Variants in RCC1 observed in about 807,000 individuals in gnomAD.
The protein encoded by RCC1 is regulator of chromosome condensation.
Under a neutral mutation model 44.4 loss-of-function variants are expected in RCC1, and 11 were observed. That is an observed-to-expected ratio of 0.25 (90% CI 0.16 to 0.41). RCC1 has a LOEUF of 0.41. Ranked by LOEUF, RCC1 falls within the 10% of genes least tolerant of loss-of-function variation. RCC1 has a pLI of 1.00. For synonymous variants in RCC1, 213 were observed against 216.5 expected (o/e 0.98, Z 0.14); for missense variants, 386 against 547.1 (o/e 0.71, Z 2.94).
At chr1:28,512,543 GGTTA>G (rs1174609530) in intron 3 of RCC1, among the ~76,000 whole-genome samples, 1 of 151,808 alleles carries the variant, frequency 6.6e-6, no homozygotes, top group South Asian at 2.1e-4. Context: ...CTTATTTTGG[GGTTA>G]GTTTGCTCAT....
Position 28,537,814 on chromosome 1 carries a change from C to T in RCC1, c.1091-18C>T, listed in dbSNP as rs759889616. ...TGGGGATCCTGGAGACAGCTGTACC[C>T]ATTTCTCTCTCTTGCAGGTCGTGTT... is the stretch of plus-strand genomic sequence containing the variant. On this transcript the variant is annotated intron_variant, in intron 12 of 12. Coordinates refer to ENST00000683442, the MANE Select transcript of RCC1 (RefSeq NM_001381865.2). The T allele has an allele frequency of 1.9e-6, 3 of 1,606,036 alleles. No homozygotes were observed. Among genetic ancestry groups the T allele is most frequent in the Admixed American group, 1.7e-5 (1 of 58,826 alleles).
chr1:28,538,262 G>T lies in RCC1; in HGVS notation c.*255G>T. 3.1e-6 allele frequency: 1 copy of T among 319,250 alleles called. No homozygotes were observed. 19.8% of individuals were successfully genotyped at this position (319,250 alleles called of 1,614,324 possible). A position where few individuals can be genotyped will look rare whatever the true frequency, so the allele number is the denominator to read the frequency against. On this transcript the variant is annotated 3_prime_UTR_variant, in exon 13 of 13. Coordinates refer to ENST00000683442, the MANE Select transcript of RCC1 (RefSeq NM_001381865.2). ...GAACATGGCTCACTCAGAGCTATAT[G>T]GTTAGACGTTTCTCCCCTTTTCCCT...
At chr1:28,533,845 C>CT (rs1168443435) in intron 7 of RCC1, among the ~76,000 whole-genome samples, 2 of 46,868 alleles carry the variant, frequency 4.3e-5, no homozygotes, top group Non-Finnish European at 7.4e-5. Context: ...CTTTTCTTTT[C>CT]TTTTTTTTTT....
chr1:28,510,672 G>T (rs1464682051), intron 3 of RCC1: 1 of 152,230 alleles, frequency 6.6e-6, no homozygotes, highest in Non-Finnish European at 1.5e-5. Flanking sequence ...TAAGCACTAA[G>T]TGGGCTTTAA....
At chr1:28,537,778 G>A in intron 12 of RCC1, 54 bp from the exon 13 acceptor site, 2 of 1,544,080 alleles carry the variant, frequency 1.3e-6, no homozygotes, top group Non-Finnish European at 1.7e-6. Context: ...TCCTGCTACA[G>A]AAAGGTGGGC....
chr1:28,535,176 G>A, intron 8 of RCC1, 30 bp downstream of exon 8: 1 of 1,614,080 alleles, frequency 6.2e-7, no homozygotes, highest in Non-Finnish European at 8.5e-7. Context: ...CTCAGGGCAG[G>A]AGTTGGAGGA....
rs747631728 is a variant in RCC1 at position 28,530,665 on chromosome 1, G to T, written c.73+726G>T. ...CTGTGCTGCCAGCGCGGGCTCCTCA[G>T]CGGTGGCCACATCCTCGGGGGAGGG... On this transcript the variant is annotated intron_variant, in intron 5 of 12. Coordinates refer to ENST00000683442, the MANE Select transcript of RCC1 (RefSeq NM_001381865.2). 1.2e-5 allele frequency: 17 copies of T among 1,477,958 alleles called. 1 individual carries two copies. In the South Asian group the frequency reaches 1.2e-4, roughly 10 times the overall value. 91.6% of individuals were successfully genotyped at this position (1,477,958 alleles called of 1,614,324 possible). A position where few individuals can be genotyped will look rare whatever the true frequency, so the allele number is the denominator to read the frequency against.
chr1:28,530,724 T>TG (rs34334294), intron 5 of RCC1: 9 of 826,900 alleles, frequency 1.1e-5, no homozygotes, highest in Non-Finnish European at 1.6e-5. Flanking sequence ...GGCTGCGGGT[T>TG]GGGGGGCCGC....
At position 28,536,398 on chromosome 1, in the gene RCC1, C is replaced by A; in HGVS notation, c.937+17C>A. ...ATTCGGAAGGTAGGGCCTTTACGTC[C>A]TTCTCTAGTTTGGGGGTGGAGTGTT... On this transcript the variant is annotated intron_variant, in intron 11 of 12. Coordinates refer to ENST00000683442, the MANE Select transcript of RCC1 (RefSeq NM_001381865.2). This position sits in a 1 kb window ranked among gnomAD's most constrained non-coding sequence, Gnocchi z 4.9. The A allele has an allele frequency of 6.2e-7, 1 of 1,610,546 alleles. No homozygotes were observed. Among genetic ancestry groups the A allele is most frequent in the South Asian group, 1.1e-5 (1 of 90,728 alleles).
At chr1:28,516,252 G>A (rs886980200) in intron 3 of RCC1, among the ~76,000 whole-genome samples, 2 of 152,094 alleles carry the variant, frequency 1.3e-5, no homozygotes, top group African/African-American at 2.4e-5. Context: ...GGAGGCTCAC[G>A]CCTGTAAGCC....
Position 28,511,290 on chromosome 1 carries a change from GAA to G in RCC1, c.-153+2388_-153+2389del, listed in dbSNP as rs760313734. ...TAAGGACAAAGGAGTTGGTATTTGT[GAA>G]AAGATTCTTAGGGTCTCTAGATGGA... On this transcript the variant is annotated intron_variant, in intron 3 of 12. Transcript: ENST00000683442. 3.9e-5 allele frequency among the ~76,000 whole-genome samples: 6 copies of G among 152,206 alleles called. No individual in the cohort carries two copies. The East Asian group carries it at 9.6e-4, about 24-fold the overall frequency.
chr1:28,534,669 C>T (rs375838681), intron 7 of RCC1, among the ~76,000 whole-genome samples: 1 of 152,202 alleles, frequency 6.6e-6, no homozygotes, highest in South Asian at 2.1e-4. Context: ...TTTGTAGGGA[C>T]GGGGTTTCAC....
intron 1 of RCC1, chr1:28,507,412 A>C (rs1367645526): frequency 5.8e-6 from 3 of 518,962 alleles, no homozygotes; most frequent in African/African-American, 5.8e-5. Flanking sequence ...GCTCTGTCCA[A>C]GTGGCGTAGG....
chr1:28,518,591 C>T (rs1663056707), intron 4 of RCC1: 1 of 150,102 alleles, frequency 6.7e-6, no homozygotes, highest in Admixed American at 6.6e-5. Context: ...CACCGCGGCG[C>T]CCGCGCAGGC....
At chr1:28,522,726 G>T (rs1016436288) in intron 4 of RCC1, among the ~76,000 whole-genome samples, 13 of 151,828 alleles carry the variant, frequency 8.6e-5, no homozygotes, top group African/African-American at 3.1e-4. Context: ...GAGGCAGGAG[G>T]GTCGCTTGAG....
rs1473715530 is a variant in RCC1, at chr1:28,535,389, C to G, written c.661+9C>G. 4 of 1,613,656 alleles carry G rather than the reference C, an allele frequency of 2.5e-6. No homozygotes were observed. Among genetic ancestry groups the G allele is most frequent in the Non-Finnish European group, 8.5e-7 (1 of 1,179,842 alleles). ...TGGCCGGCAAGGCCTCGGTAAGTGG[C>G]CTTGGTACCTCCAGCAGGGCAAATT... is the stretch of plus-strand genomic sequence containing the variant. On this transcript the variant is annotated intron_variant, in intron 9 of 12. Coordinates refer to ENST00000683442, the MANE Select transcript of RCC1 (RefSeq NM_001381865.2).
intron 7 of RCC1, 71 bp downstream of exon 7, chr1:28,532,421 C>A (rs989312887): frequency 6.6e-7 from 1 of 1,513,694 alleles, no homozygotes; most frequent in Non-Finnish European, 9.1e-7. Context: ...CAAAGATAAT[C>A]CACTTCCATG....
In RCC1 at chr1:28,533,845, C is replaced by CTTTTTTTTTTTTTTTTTTTTTTTTTTT. The variant is rs1168443435; in HGVS notation, c.442-1181_442-1155dup. ...ATATTTTTTTCTTTTCTTTTCTTTT[C>CTTTTTTTTTTTTTTTTTTTTTTTTTTT]TTTTTTTTTTTTTTTTTTTTTTTTT... On this transcript the variant is annotated intron_variant, in intron 7 of 12. Transcript: ENST00000683442. 1.3e-4 allele frequency among the ~76,000 whole-genome samples: 6 copies of CTTTTTTTTTTTTTTTTTTTTTTTTTTT among 46,876 alleles called. 3 individuals carry two copies. Among genetic ancestry groups the CTTTTTTTTTTTTTTTTTTTTTTTTTTT allele is most frequent in the Admixed American group, 7.4e-4 (2 of 2,698 alleles). The allele number at this position is 46,876 out of a possible 152,430, so 30.8% of individuals were successfully genotyped here. A position where few individuals can be genotyped will look rare whatever the true frequency, so the allele number is the denominator to read the frequency against.
chr1:28,516,759 CAGAGAG>C lies in RCC1; in HGVS notation c.-106_-101del, dbSNP rs139141175. ...TGTGTAAGATCTTGGAGGAAGACAG[CAGAGAG>C]AGAGAGAGAGATCAGAGATCCCAGG... On this transcript the variant is annotated 5_prime_UTR_variant, in exon 4 of 13. Coordinates refer to ENST00000683442, the MANE Select transcript of RCC1 (RefSeq NM_001381865.2). 4.7e-6 allele frequency: 2 copies of C among 426,206 alleles called. No homozygotes were observed. Among genetic ancestry groups the C allele is most frequent in the Non-Finnish European group, 9.4e-6 (2 of 212,168 alleles). 26.4% of individuals were successfully genotyped at this position (426,206 alleles called of 1,614,324 possible). A position where few individuals can be genotyped will look rare whatever the true frequency, so the allele number is the denominator to read the frequency against.
Sources: gnomAD v4.1 joint callset for allele counts (sites outside exome capture counted in the v4.1 genomes callset) on GRCh38, gnomAD v4.1.1 for gene constraint, Gnocchi (gnomAD v3.1) non-coding constraint, MANE v1.5 for transcripts, NCBI Gene and HGNC (gene_info 2026-07-23, HGNC 2026-07-21) for gene names.